FYB1: variants seen among roughly 807,000 people sequenced by gnomAD.
FYB1 encodes FYN binding protein 1.
In FYB1, 41 loss-of-function variants were observed where a neutral mutation model predicts 94.1. The observed-to-expected ratio is 0.44, with a 90% confidence interval of 0.34 to 0.57. The LOEUF (loss-of-function observed/expected upper bound fraction) is 0.57, where lower values mean the gene tolerates loss of function less well. Ranked by LOEUF, FYB1 falls within the 20% of genes least tolerant of loss-of-function variation. The pLI is 0.02. For synonymous variants in FYB1, 367 were observed against 353.2 expected, an observed-to-expected ratio of 1.04 and a Z score of -0.44; for missense variants, 1,050 against 976.8, an observed-to-expected ratio of 1.07 and a Z score of -1.00.
chr5:39,200,642 C>G (rs552295178), intron 2 of FYB1, among the ~76,000 whole-genome samples: 1 of 152,140 alleles, frequency 6.6e-6, no homozygotes, highest in Non-Finnish European at 1.5e-5. Flanking sequence ...TGGGATCATT[C>G]CAAACTTGCT....
At chr5:39,148,310 A>G in intron 3 of FYB1, among the ~76,000 whole-genome samples, 1 of 132,756 alleles carries the variant, frequency 7.5e-6, no homozygotes, top group Admixed American at 7.9e-5. Flanking sequence ...GATTATAGGC[A>G]TGAGCCACCA....
intron 16 of FYB1, chr5:39,110,785 AC>A: frequency 2.7e-6 from 1 of 365,808 alleles, no homozygotes; most frequent in Non-Finnish European, 5.2e-6. Context: ...TTTAAATACC[AC>A]CAGATCTAAG....
intron 1 of FYB1, among the ~76,000 whole-genome samples, chr5:39,215,818 A>G (rs1041911125): frequency 1.3e-5 from 2 of 152,184 alleles, no homozygotes; most frequent in Admixed American, 1.3e-4. Flanking sequence ...AGATACGCCC[A>G]TGTATCAGAA....
Position 39,202,987 on chromosome 5 carries a change from C to T in FYB1, c.-27G>A. 1 of 1,612,566 alleles carries T rather than the reference C, an allele frequency of 6.2e-7. No individual in the cohort carries two copies. The highest frequency in any genetic ancestry group is 8.5e-7 in the Non-Finnish European group (1 of 1,179,456). On this transcript the variant is annotated splice_region_variant and 5_prime_UTR_variant, in exon 2 of 19. Transcript: ENST00000512982. ...AGGGACTTTACATCTGCCTTTCCAT[C>T]CTACAAACATAGGGAACAAAAAATA...
At chr5:39,222,358 C>A (rs74698293), upstream of FYB1, among the ~76,000 whole-genome samples, 1 of 152,168 alleles carries the variant, frequency 6.6e-6, no homozygotes, top group South Asian at 2.1e-4. Flanking sequence ...ATACAGAAGG[C>A]ACTTTATAAA....
chr5:39,221,075 G>GC (rs1750229955), upstream of FYB1, among the ~76,000 whole-genome samples: 2 of 152,296 alleles, frequency 1.3e-5, no homozygotes, highest in South Asian at 4.1e-4. Context: ...CAGCTACACA[G>GC]GATAAGGCAT....
chr5:39,127,216 A>G (rs1740763251), intron 11 of FYB1, among the ~76,000 whole-genome samples: 1 of 151,558 alleles, frequency 6.6e-6, no homozygotes. Context: ...ATTAAGTTAA[A>G]GGATTAAGTA....
intron 2 of FYB1, among the ~76,000 whole-genome samples, chr5:39,171,907 A>T (rs1305470494): frequency 6.6e-6 from 1 of 152,136 alleles, no homozygotes; most frequent in Admixed American, 6.5e-5. Context: ...CCATGGCATT[A>T]CCTCTTTTGT....
In FYB1 at chr5:39,106,558, C is replaced by T. The variant is rs752053172; in HGVS notation, c.*885G>A. On this transcript the variant is annotated 3_prime_UTR_variant, in exon 19 of 19. Coordinates refer to ENST00000512982, the MANE Select transcript of FYB1 (RefSeq NM_001465.6). The stretch of plus-strand genomic sequence containing the variant: ...TAAAAAAAGAGAAAAAAAAATCTAG[C>T]GGTAATTGAAACAAAAACAAAAACT... 1.3e-5 allele frequency: 2 copies of T among 151,850 alleles called. No individual in the cohort carries two copies. Among genetic ancestry groups the T allele is most frequent in the African/African-American group, 4.8e-5 (2 of 41,352 alleles). 9.4% of individuals were successfully genotyped at this position (151,850 alleles called of 1,614,324 possible). A position where few individuals can be genotyped will look rare whatever the true frequency, so the allele number is the denominator to read the frequency against.
intron 1 of FYB1, among the ~76,000 whole-genome samples, chr5:39,250,172 T>C (rs996429552): frequency 2.0e-5 from 3 of 152,194 alleles, no homozygotes; most frequent in Admixed American, 2.0e-4. Flanking sequence ...CTTTATAAAC[T>C]AGCCAGTCTC....
At chr5:39,139,475 CATAAA>C (rs1741962668) in intron 4 of FYB1, 1 of 333,530 alleles carries the variant, frequency 3.0e-6, no homozygotes, top group South Asian at 6.7e-5. Flanking sequence ...CATTGGCTTT[CATAAA>C]ATAATGCAAA....
At chr5:39,239,198 CAACATCATACT>C (rs1053567834) in intron 1 of FYB1, among the ~76,000 whole-genome samples, 2 of 152,072 alleles carry the variant, frequency 1.3e-5, no homozygotes, top group African/African-American at 4.8e-5. Context: ...AGCCCACAGC[CAACATCATACT>C]AAATGGGCAA....
chr5:39,176,957 C>A (rs906581435), intron 2 of FYB1, among the ~76,000 whole-genome samples: 1 of 152,144 alleles, frequency 6.6e-6, no homozygotes, highest in Admixed American at 6.5e-5. Flanking sequence ...TTTCCAGAGA[C>A]TGGGGGGTTA....
Position 39,137,723 on chromosome 5 carries a change from G to A in FYB1, c.1395-3C>T, listed in dbSNP as rs752297950. On this transcript the variant is annotated splice_polypyrimidine_tract_variant and splice_region_variant and intron_variant, in intron 6 of 18. Transcript: ENST00000512982. ...TCTCTCTTTCTTTGGATGCTTCTCT[G>A]TGAGTAAAAATTGTTAGGTTGTTTT... 5.2e-6 allele frequency: 8 copies of A among 1,549,698 alleles called. 1 individual carries two copies. Among genetic ancestry groups the A allele is most frequent in the South Asian group, 3.6e-5 (3 of 84,018 alleles).
intron 2 of FYB1, among the ~76,000 whole-genome samples, chr5:39,177,739 G>T (rs183686712): frequency 6.6e-6 from 1 of 152,080 alleles, no homozygotes; most frequent in East Asian, 1.9e-4. Context: ...TCTTTTTCAC[G>T]TCCTGGAGAT....
chr5:39,270,465 C>T, intron 1 of FYB1: 1 of 1,098,654 alleles, frequency 9.1e-7, no homozygotes, highest in South Asian at 1.6e-5. Context: ...CCCAAAGGCT[C>T]AGAGGACCTG....
At chr5:39,110,888 G>T (rs1739015934) in intron 16 of FYB1, 1 of 260,038 alleles carries the variant, frequency 3.8e-6, no homozygotes, top group South Asian at 3.8e-5. Flanking sequence ...CTACTAGGGG[G>T]ACTATGCATT....
intron 1 of FYB1, among the ~76,000 whole-genome samples, chr5:39,246,748 G>T (rs1751492931): frequency 6.6e-6 from 1 of 152,108 alleles, no homozygotes; most frequent in African/African-American, 2.4e-5. Context: ...AAAAAGATGT[G>T]ATAGATCCAT....
At chr5:39,234,874 A>T (rs1473236201) in intron 1 of FYB1, among the ~76,000 whole-genome samples, 1 of 151,768 alleles carries the variant, frequency 6.6e-6, no homozygotes, top group Non-Finnish European at 1.5e-5. Flanking sequence ...GGAACATCAT[A>T]CACCAGGGCC....
Sources: gnomAD v4.1 joint callset for allele counts (sites outside exome capture counted in the v4.1 genomes callset) on GRCh38, gnomAD v4.1.1 for gene constraint, MANE v1.5 for transcripts, NCBI Gene and HGNC (gene_info 2026-07-23, HGNC 2026-07-21) for gene names.